FHIT: variants seen among roughly 807,000 people sequenced by gnomAD.
The protein encoded by FHIT is bis(5'-adenosyl)-triphosphatase.
In FHIT, 19 loss-of-function variants were observed where a neutral mutation model predicts 17.9. That is an observed-to-expected ratio of 1.06 (90% CI 0.74 to 1.56). FHIT has a LOEUF of 1.56. Among genes scored for constraint, FHIT ranks in the 40% most tolerant of loss-of-function variants. The pLI, the probability that FHIT is intolerant of heterozygous loss-of-function variation, is 0.00. For missense variants in FHIT, 248 were observed against 189.2 expected (o/e 1.31, Z -1.82); for synonymous variants, 81 against 69.7 (o/e 1.16, Z -0.81).
intron 9 of FHIT, 86 bp downstream of exon 9, chr3:59,752,135 G>GT (rs1370689018): frequency 1.1e-6 from 1 of 927,638 alleles, no homozygotes; most frequent in African/African-American, 1.7e-5. Context: ...TGGTGAAGGT[G>GT]TTTTTGTGCA....
At chr3:60,128,036 T>C (rs955044753) in intron 5 of FHIT, among the ~76,000 whole-genome samples, 6 of 152,214 alleles carry the variant, frequency 3.9e-5, no homozygotes, top group African/African-American at 1.4e-4. Flanking sequence ...TGTATATGCA[T>C]GGATATGAAG....
chr3:61,249,985 CACACAA>C lies in FHIT; in HGVS notation c.-213+1310_-213+1315del, dbSNP rs1235099189. ...ACACACACACACACACACACACACA[CACACAA>C]ACCCTAGACTTCTTTCTTTACTAAA... is the stretch of plus-strand genomic sequence containing the variant. On this transcript the variant is annotated intron_variant, in intron 1 of 9. Coordinates refer to ENST00000492590, the MANE Select transcript of FHIT (RefSeq NM_002012.4). Among the ~76,000 whole-genome samples the C allele has an allele frequency of 1.1e-3, 138 of 127,674 alleles. 1 individual carries two copies. The highest frequency in any genetic ancestry group is 4.4e-3 in the African/African-American group (124 of 28,086). The allele number at this position is 127,674 out of a possible 152,430, so 83.8% of individuals were successfully genotyped here. A position where few individuals can be genotyped will look rare whatever the true frequency, so the allele number is the denominator to read the frequency against.
intron 5 of FHIT, among the ~76,000 whole-genome samples, chr3:60,016,410 T>C (rs1700346535): frequency 6.6e-6 from 1 of 152,148 alleles, no homozygotes; most frequent in Non-Finnish European, 1.5e-5. Context: ...GCAGATGAGA[T>C]TTAAACTGGA....
intron 4 of FHIT, among the ~76,000 whole-genome samples, chr3:60,660,225 A>G (rs1377355483): frequency 2.0e-5 from 3 of 152,164 alleles, no homozygotes; most frequent in Non-Finnish European, 2.9e-5. Context: ...GCAACAATGG[A>G]AGGAAATGCA....
chr3:60,281,821 AAATTG>A (rs1413050263), intron 5 of FHIT, among the ~76,000 whole-genome samples: 3 of 152,202 alleles, frequency 2.0e-5, no homozygotes, highest in East Asian at 3.8e-4. Context: ...AAAAAATTTT[AAATTG>A]AATTGTATTA....
chr3:60,532,791 G>A (rs1162887252), intron 5 of FHIT, among the ~76,000 whole-genome samples: 1 of 152,152 alleles, frequency 6.6e-6, no homozygotes, highest in Non-Finnish European at 1.5e-5. Flanking sequence ...CCTCTGATTT[G>A]ACAGTTCTTT....
At chr3:61,237,253 G>C (rs916393630) in intron 1 of FHIT, among the ~76,000 whole-genome samples, 2 of 152,122 alleles carry the variant, frequency 1.3e-5, no homozygotes, top group African/African-American at 2.4e-5. Flanking sequence ...ACTCTGCTTT[G>C]ATTTCTAAGC....
At chr3:60,496,825 A>G (rs2034318842) in intron 5 of FHIT, among the ~76,000 whole-genome samples, 1 of 152,220 alleles carries the variant, frequency 6.6e-6, no homozygotes, top group Non-Finnish European at 1.5e-5. Flanking sequence ...TCATTTATTC[A>G]TGTAGCTGTA....
chr3:59,824,726 A>G (rs967117462), intron 8 of FHIT, among the ~76,000 whole-genome samples: 5 of 152,224 alleles, frequency 3.3e-5, no homozygotes, highest in Admixed American at 2.6e-4. Context: ...TGGTGAGTAC[A>G]TCAATATTAC....
At chr3:60,458,255 A>G (rs944626991) in intron 5 of FHIT, among the ~76,000 whole-genome samples, 9 of 152,174 alleles carry the variant, frequency 5.9e-5, no homozygotes, top group Non-Finnish European at 1.0e-4. Context: ...ATGCAGCCAT[A>G]AAAATGATGA....
At chr3:60,576,415 C>G (rs2037566806) in intron 4 of FHIT, among the ~76,000 whole-genome samples, 1 of 151,966 alleles carries the variant, frequency 6.6e-6, no homozygotes, top group Admixed American at 6.6e-5. Flanking sequence ...AAAACACAAG[C>G]AAAAGGAAAG....
intron 5 of FHIT, among the ~76,000 whole-genome samples, chr3:60,088,443 C>G (rs2107081155): frequency 6.6e-6 from 1 of 152,276 alleles, no homozygotes; most frequent in Non-Finnish European, 1.5e-5. Context: ...TACTTCTTTC[C>G]AAGAAACCTG....
chr3:61,248,540 G>C (rs1436769813), intron 1 of FHIT, among the ~76,000 whole-genome samples: 4 of 152,026 alleles, frequency 2.6e-5, no homozygotes, highest in Non-Finnish European at 5.9e-5. Context: ...CATATTAGAG[G>C]GTCAGATTTT....
At chr3:60,903,165 T>G (rs1329684682) in intron 3 of FHIT, among the ~76,000 whole-genome samples, 6 of 152,138 alleles carry the variant, frequency 3.9e-5, no homozygotes, top group Non-Finnish European at 8.8e-5. Flanking sequence ...CAAAATAATT[T>G]GTATATGAAA....
intron 2 of FHIT, among the ~76,000 whole-genome samples, chr3:61,131,237 C>T (rs1378198334): frequency 6.6e-6 from 1 of 152,192 alleles, no homozygotes. Flanking sequence ...AGAGTGAGTA[C>T]TCAGTACTCT....
At chr3:59,839,746 T>A (rs1402817014) in intron 8 of FHIT, among the ~76,000 whole-genome samples, 1 of 152,166 alleles carries the variant, frequency 6.6e-6, no homozygotes, top group East Asian at 1.9e-4. Flanking sequence ...CTGAGACCTG[T>A]TTCCTTACCA....
rs144806480 is a variant in FHIT at position 60,301,926 on chromosome 3, A to C, written c.103+234934T>G. Among the ~76,000 whole-genome samples, 629 of 152,246 alleles carry C rather than the reference A, an allele frequency of 4.1e-3. 3 individuals carry two copies. Among genetic ancestry groups the C allele is most frequent in the African/African-American group, 0.014 (595 of 41,526 alleles). ...TTAAATGCTAAATATACATCCTGTCAATTAAAAACTGTAAGAGTAACCTTA... is the reference window on the plus strand; with the variant it reads ...TTAAATGCTAAATATACATCCTGTCCATTAAAAACTGTAAGAGTAACCTTA... On this transcript the variant is annotated intron_variant, in intron 5 of 9. Coordinates refer to ENST00000492590, the MANE Select transcript of FHIT (RefSeq NM_002012.4).
At chr3:60,292,629 A>ATCAAGTCACAGTTAATAAT (rs1708038343) in intron 5 of FHIT, among the ~76,000 whole-genome samples, 1 of 152,192 alleles carries the variant, frequency 6.6e-6, no homozygotes, top group South Asian at 2.1e-4. Flanking sequence ...TGATAATTAG[A>ATCAAGTCACAGTTAATAAT]TGTAACTAAA....
intron 4 of FHIT, among the ~76,000 whole-genome samples, chr3:60,614,555 G>A (rs922707611): frequency 2.6e-5 from 4 of 152,028 alleles, no homozygotes; most frequent in African/African-American, 9.7e-5. Context: ...AGTGAGACGA[G>A]ATCGATCACG....
Sources: gnomAD v4.1 joint callset for allele counts (sites outside exome capture counted in the v4.1 genomes callset) on GRCh38, gnomAD v4.1.1 for gene constraint, MANE v1.5 for transcripts, NCBI Gene and HGNC (gene_info 2026-07-23, HGNC 2026-07-21) for gene names.